Variants in PDZD2 observed in about 807,000 individuals in gnomAD.
The protein encoded by PDZD2 is PDZ domain-containing protein 2.
In PDZD2, 90 loss-of-function variants were observed where a neutral mutation model predicts 220.7. The observed-to-expected ratio is 0.41, with a 90% confidence interval of 0.34 to 0.49. The LOEUF (loss-of-function observed/expected upper bound fraction) is 0.49. PDZD2 is among the 20% of genes least tolerant of loss of function. The probability of loss-of-function intolerance (pLI) is 0.28; values close to 1 mark genes in which losing one functional copy is unlikely to be tolerated. For missense variants in PDZD2, 3,174 were observed against 3,608.5 expected (o/e 0.88, Z 3.08); for synonymous variants, 1,375 against 1,450.5 (o/e 0.95, Z 1.18).
At chr5:31,854,488 C>T (rs1758251167) in intron 2 of PDZD2, among the ~76,000 whole-genome samples, 1 of 152,184 alleles carries the variant, frequency 6.6e-6, no homozygotes, top group African/African-American at 2.4e-5. Flanking sequence ...ACATCCTGCC[C>T]CATACGATGG....
chr5:31,909,759 A>G (rs1456825824), intron 2 of PDZD2, among the ~76,000 whole-genome samples: 2 of 152,150 alleles, frequency 1.3e-5, no homozygotes, highest in Non-Finnish European at 2.9e-5. Context: ...TCCTTTTCCC[A>G]CTCATATAGT....
intron 2 of PDZD2, among the ~76,000 whole-genome samples, chr5:31,859,569 A>G (rs1218163542): frequency 6.6e-6 from 1 of 151,818 alleles, no homozygotes; most frequent in Non-Finnish European, 1.5e-5. Context: ...TTCTCTGTAG[A>G]TCTCAATTAC....
intron 2 of PDZD2, among the ~76,000 whole-genome samples, chr5:31,924,258 C>T (rs752784669): frequency 6.6e-6 from 1 of 152,174 alleles, no homozygotes; most frequent in Non-Finnish European, 1.5e-5. Flanking sequence ...TCCCAGAATG[C>T]CTGTTCCGCA....
chr5:31,740,092 C>T (rs1056639989), intron 1 of PDZD2, among the ~76,000 whole-genome samples: 10 of 152,158 alleles, frequency 6.6e-5, no homozygotes, highest in Non-Finnish European at 1.2e-4. Context: ...ACCACTTCCA[C>T]CTCTCGGTAG....
At chr5:31,818,282 C>T (rs557620196) in intron 2 of PDZD2, among the ~76,000 whole-genome samples, 4 of 152,114 alleles carry the variant, frequency 2.6e-5, no homozygotes, top group African/African-American at 4.8e-5. Flanking sequence ...TCTCAATTTT[C>T]GTTTTTTACT....
intron 2 of PDZD2, among the ~76,000 whole-genome samples, chr5:31,956,626 GC>G (rs1343477724): frequency 6.7e-6 from 1 of 149,562 alleles, no homozygotes; most frequent in Non-Finnish European, 1.5e-5. Context: ...GGGTGTGGTG[GC>G]ACATGCCTGT....
intron 1 of PDZD2, among the ~76,000 whole-genome samples, chr5:31,685,197 A>G (rs1017587327): frequency 6.6e-6 from 1 of 152,034 alleles, no homozygotes; most frequent in Admixed American, 6.5e-5. Flanking sequence ...TTTGCTGGCT[A>G]TTATGGTTAT....
At chr5:31,651,572 C>T (rs1429591817) in intron 1 of PDZD2, among the ~76,000 whole-genome samples, 1 of 152,098 alleles carries the variant, frequency 6.6e-6, no homozygotes, top group African/African-American at 2.4e-5. Context: ...TCTGGATTTC[C>T]GTTGGTTAAA....
intron 2 of PDZD2, among the ~76,000 whole-genome samples, chr5:31,939,185 G>A (rs1395131080): frequency 1.3e-5 from 2 of 152,198 alleles, no homozygotes; most frequent in African/African-American, 4.8e-5. Context: ...TGTCAGAGCT[G>A]GGAGGGGTGG....
At chr5:31,715,523 A>T (rs965233387) in intron 1 of PDZD2, among the ~76,000 whole-genome samples, 2 of 152,260 alleles carry the variant, frequency 1.3e-5, no homozygotes, top group Non-Finnish European at 2.9e-5. Flanking sequence ...GCTGGATGAC[A>T]TCTTAAAGTA....
chr5:31,733,779 T>C (rs1749678064), intron 1 of PDZD2, among the ~76,000 whole-genome samples: 2 of 152,190 alleles, frequency 1.3e-5, no homozygotes. Flanking sequence ...TGCAGGAAGA[T>C]CCAAACTGTT....
intron 13 of PDZD2, among the ~76,000 whole-genome samples, chr5:32,059,707 AT>A (rs766618476): frequency 2.0e-5 from 3 of 152,188 alleles, no homozygotes; most frequent in Non-Finnish European, 2.9e-5. Flanking sequence ...TTCATATGAA[AT>A]ACTGGAACTG....
intron 20 of PDZD2, among the ~76,000 whole-genome samples, chr5:32,092,663 A>G (rs929736927): frequency 3.9e-5 from 6 of 152,192 alleles, no homozygotes; most frequent in African/African-American, 1.4e-4. Flanking sequence ...TTGGTCCCAT[A>G]ACTTCTTGAG....
chr5:31,779,564 G>A (rs1752938880), intron 1 of PDZD2, among the ~76,000 whole-genome samples: 1 of 151,624 alleles, frequency 6.6e-6, no homozygotes, highest in African/African-American at 2.4e-5. Context: ...TAGTAGAGAC[G>A]GGGTTTCACC....
rs556276502 is a variant in PDZD2, at chr5:32,014,706, C to CTTTTTT, written c.1407+4247_1407+4252dup. ...ATTTTCTGCTCTGCAATGACAATTT[C>CTTTTTT]TTTTTTTTTTTTTTTTTTTTTTTTT... On this transcript the variant is annotated intron_variant, in intron 6 of 24. Transcript: ENST00000438447. 2.2e-4 allele frequency among the ~76,000 whole-genome samples: 21 copies of CTTTTTT among 95,416 alleles called. 2 individuals are homozygous for CTTTTTT. Among genetic ancestry groups the CTTTTTT allele is most frequent in the African/African-American group, 7.4e-4 (17 of 22,894 alleles). The allele number at this position is 95,416 out of a possible 152,430, so 62.6% of individuals were successfully genotyped here. A position where few individuals can be genotyped will look rare whatever the true frequency, so the allele number is the denominator to read the frequency against.
Position 32,098,597 on chromosome 5 carries a change from G to A in PDZD2, c.8181G>A (p.Leu2727=). ...QEPPTANGKG[L]LSRKTIPLEP... ...CTCCCACAGCCAATGGGAAGGGTTT[G>A]CTGTCCAGAAAGACCATCCCCCTGG... is the stretch of plus-strand genomic sequence containing the variant. The change falls in exon 23 of 25, where the codon TTG becomes TTA. Residue 2727 remains leucine, a synonymous_variant. Transcript: ENST00000438447. This position sits in a 1 kb window ranked among gnomAD's most constrained non-coding sequence, Gnocchi z 4.1. The A allele has an allele frequency of 6.2e-7, 1 of 1,614,160 alleles. No homozygotes were observed. Among genetic ancestry groups the A allele is most frequent in the Non-Finnish European group, 8.5e-7 (1 of 1,180,030 alleles).
At chr5:31,967,643 C>G (rs1292748044) in intron 2 of PDZD2, among the ~76,000 whole-genome samples, 3 of 152,204 alleles carry the variant, frequency 2.0e-5, no homozygotes, top group African/African-American at 7.2e-5. Context: ...ATAGTAGCCT[C>G]TTCCAAGGCA....
chr5:32,089,494 A>T lies in PDZD2; in HGVS notation c.6046A>T (p.Thr2016Ser), dbSNP rs1226420930. The change falls in exon 20 of 25, where the codon ACC (threonine) becomes TCC (serine). Residue 2016 changes from threonine (T) to serine (S), a missense_variant. Physicochemically the swap from Thr to Ser is moderately conservative, Grantham distance 58 (BLOSUM62 1). This residue lies in a region of PDZD2 where 1,861 missense variants were observed against 2,001.0 expected (regional missense o/e 0.93). Transcript: ENST00000438447. ...TGAACCCGACAGAGGTTGCCCAACC[A>T]CCCCTAAATCTCCTAAGTGTAGAGC... ...LSEPDRGCPT[T>S]PKSPKCRAEG... 1 of 1,612,892 alleles carries T rather than the reference A, an allele frequency of 6.2e-7. No individual in the cohort carries two copies. The highest frequency in any genetic ancestry group is 1.7e-5 in the Admixed American group (1 of 59,990).
chr5:32,067,005 C>T (rs908932911), intron 14 of PDZD2, among the ~76,000 whole-genome samples: 1 of 152,124 alleles, frequency 6.6e-6, no homozygotes, highest in African/African-American at 2.4e-5. Flanking sequence ...TAGTTGTAAC[C>T]TCATGCTGTA....
Sources: gnomAD v4.1 joint callset for allele counts (sites outside exome capture counted in the v4.1 genomes callset) on GRCh38, gnomAD v4.1.1 for gene constraint, gnomAD v4.1.1 regional missense constraint, Gnocchi (gnomAD v3.1) non-coding constraint, MANE v1.5 for transcripts, NCBI Gene and HGNC (gene_info 2026-07-23, HGNC 2026-07-21) for gene names.